URGCP: variants seen among roughly 807,000 people sequenced by gnomAD.
The protein encoded by URGCP is upregulator of cell proliferation, also known as up-regulator of cell proliferation.
Under a neutral mutation model 24.6 loss-of-function variants are expected in URGCP, and 13 were observed. That is an observed-to-expected ratio of 0.53 (90% CI 0.34 to 0.84). The LOEUF (loss-of-function observed/expected upper bound fraction) is 0.84, where lower values mean the gene tolerates loss of function less well. Among genes scored for constraint, URGCP ranks in the 40% least tolerant of loss-of-function variants. The probability of loss-of-function intolerance (pLI) is 0.01; values close to 1 mark genes in which losing one functional copy is unlikely to be tolerated. For synonymous variants in URGCP, 444 were observed against 487.2 expected (o/e 0.91, Z 1.17); for missense variants, 899 against 1,194.3 (o/e 0.75, Z 3.64).
Position 43,878,925 on chromosome 7 carries a change from G to A in URGCP, c.538C>T (p.Pro180Ser). ...SFSELPTPDT[P>S]VNPLDLLCAL... ...CAGAGAAGGTCTAAGGGGTTCACTG[G>A]CGTATCAGGGGTGGGCAGCTCAGAA... Residue 180 changes from proline to serine, a missense_variant, in exon 6 of 6, where the codon CCA (proline) becomes TCA (serine). Pro to Ser is a moderately conservative substitution (Grantham distance 74). Transcript: ENST00000453200. This position sits in a 1 kb window ranked among gnomAD's most constrained non-coding sequence, Gnocchi z 5.6. 6.2e-7 allele frequency: 1 copy of A among 1,614,224 alleles called. No homozygotes were observed. The highest frequency in any genetic ancestry group is 8.5e-7 in the Non-Finnish European group (1 of 1,180,032).
chr7:43,881,479 TTTTTTTTTTTTTTTTTAGC>T (rs1229334839), intron 5 of URGCP, among the ~76,000 whole-genome samples, 161 bp downstream of exon 5: 1 of 149,802 alleles, frequency 6.7e-6, no homozygotes, highest in African/African-American at 2.5e-5. Flanking sequence ...CCAGGGTTTT[TTTTTTTTTTTTTTTTTAGC>T]AATATGGTTA....
Position 43,876,492 on chromosome 7 carries a change from C to A in URGCP, c.*175G>T. On this transcript the variant is annotated 3_prime_UTR_variant, in exon 6 of 6. Coordinates refer to ENST00000453200, the MANE Select transcript of URGCP (RefSeq NM_001077663.3). The stretch of plus-strand genomic sequence containing the variant: ...ACATCTCTGAGCTGGTCTGTGAGGT[C>A]ACTTCCTCTTTTAACACTGTTGAGG... The A allele has an allele frequency of 1.5e-6, 1 of 677,756 alleles. No homozygotes were observed. The allele number at this position is 677,756 out of a possible 1,614,324, so 42.0% of individuals were successfully genotyped here. A position where few individuals can be genotyped will look rare whatever the true frequency, so the allele number is the denominator to read the frequency against.
At chr7:43,904,796 T>C (rs958048447) in intron 1 of URGCP, among the ~76,000 whole-genome samples, 2 of 152,206 alleles carry the variant, frequency 1.3e-5, no homozygotes, top group Non-Finnish European at 1.5e-5. Flanking sequence ...AGGTGTACTA[T>C]GCACCTAGGC....
intron 1 of URGCP, among the ~76,000 whole-genome samples, chr7:43,920,528 A>C (rs1413496755): frequency 6.6e-6 from 1 of 152,248 alleles, no homozygotes; most frequent in Non-Finnish European, 1.5e-5. Context: ...GCACCATTGC[A>C]CAACGGCCTG....
chr7:43,923,482 T>G (rs1431769262), intron 1 of URGCP, among the ~76,000 whole-genome samples: 1 of 151,998 alleles, frequency 6.6e-6, no homozygotes, highest in Non-Finnish European at 1.5e-5. Flanking sequence ...GAATCAGGGG[T>G]TCGCTATGTT....
At chr7:43,897,203 A>AACAT (rs534074516) in intron 1 of URGCP, among the ~76,000 whole-genome samples, 3 of 151,520 alleles carry the variant, frequency 2.0e-5, no homozygotes, top group African/African-American at 7.3e-5. Flanking sequence ...ACTCTGTCTC[A>AACAT]AAATAAATAA....
chr7:43,902,283 T>C (rs999997253), intron 1 of URGCP, among the ~76,000 whole-genome samples: 3 of 152,134 alleles, frequency 2.0e-5, no homozygotes, highest in Admixed American at 6.6e-5. Flanking sequence ...CGTCCAGTGA[T>C]GGCTTCTCCT....
intron 5 of URGCP, 149 bp from the exon 6 acceptor site, chr7:43,879,409 C>G: frequency 1.1e-6 from 1 of 930,134 alleles, no homozygotes; most frequent in Non-Finnish European, 1.6e-6. Context: ...TCAGGGTGTG[C>G]TCAAGGCTGA....
chr7:43,919,572 G>A (rs2095919745), intron 1 of URGCP: 6 of 1,418,674 alleles, frequency 4.2e-6, no homozygotes, highest in South Asian at 2.3e-5. Context: ...CATGGTCCTG[G>A]ATGTCATGAG....
rs1245158289 is a variant in URGCP, at chr7:43,881,703, GA to G, written c.164-7del. 30 of 1,613,940 alleles carry G rather than the reference GA, an allele frequency of 1.9e-5. No individual in the cohort carries two copies. Among genetic ancestry groups the G allele is most frequent in the Non-Finnish European group, 2.5e-5 (30 of 1,179,978 alleles). ...CTGAGCCTCATTTGTACCATCTATG[GA>G]AAAAGCAATGGAAAATGAAGTGTCA... On this transcript the variant is annotated splice_region_variant and splice_polypyrimidine_tract_variant and intron_variant, in intron 4 of 5. Coordinates refer to ENST00000453200, the MANE Select transcript of URGCP (RefSeq NM_001077663.3).
At position 43,919,061 on chromosome 7, in the gene URGCP, A is replaced by C. The variant is rs111296486; in HGVS notation, c.-116+7071T>G. On this transcript the variant is annotated intron_variant, in intron 1 of 5. Transcript: ENST00000426198. ...TCCATGAGGACATTTTTAACATCAC[A>C]GACCAGGAGGCAGATGGTAGTGACA... 56 of 1,000,266 alleles carry C rather than the reference A, an allele frequency of 5.6e-5. 2 individuals are homozygous for C. The highest frequency in any genetic ancestry group is 5.0e-4 in the African/African-American group (32 of 63,428). The allele number at this position is 1,000,266 out of a possible 1,614,324, so 62.0% of individuals were successfully genotyped here. A position where few individuals can be genotyped will look rare whatever the true frequency, so the allele number is the denominator to read the frequency against.
chr7:43,919,918 C>T lies in URGCP; in HGVS notation c.-116+6214G>A, dbSNP rs1187078531. Reference sequence around the variant, plus strand: ...CGGAAGTGGGAGGCCTTCCTGGAGCCGTTCCGCAAGGAGGACATGTTCAAG... The same window carrying T: ...CGGAAGTGGGAGGCCTTCCTGGAGCTGTTCCGCAAGGAGGACATGTTCAAG... On this transcript the variant is annotated intron_variant, in intron 1 of 5. Transcript: ENST00000426198. 24 of 1,316,556 alleles carry T rather than the reference C, an allele frequency of 1.8e-5. 1 individual carries two copies. The highest frequency in any genetic ancestry group is 9.4e-5 in the South Asian group (8 of 84,658). The allele number at this position is 1,316,556 out of a possible 1,614,324, so 81.6% of individuals were successfully genotyped here.
chr7:43,915,547 G>A (rs774861979), intron 1 of URGCP, among the ~76,000 whole-genome samples: 54 of 152,186 alleles, frequency 3.5e-4, no homozygotes, highest in Admixed American at 8.5e-4. Flanking sequence ...TGCATGGGAC[G>A]GACAGGCAAG....
chr7:43,897,748 T>C (rs1261552252), intron 1 of URGCP, among the ~76,000 whole-genome samples: 1 of 152,138 alleles, frequency 6.6e-6, no homozygotes, highest in East Asian at 1.9e-4. Context: ...CGCTCCATTA[T>C]CTAGCCTTAT....
At chr7:43,887,644 TG>T in intron 2 of URGCP, 145 bp downstream of exon 2, 1 of 1,476,822 alleles carries the variant, frequency 6.8e-7, no homozygotes, top group East Asian at 2.5e-5. Context: ...GAGCTGGTCC[TG>T]GGTATCACTG....
At chr7:43,915,436 C>G (rs191449614) in intron 1 of URGCP, among the ~76,000 whole-genome samples, 4 of 152,340 alleles carry the variant, frequency 2.6e-5, no homozygotes, top group African/African-American at 9.6e-5. Context: ...TCCAACTCAG[C>G]CTTTTCTATG....
chr7:43,922,433 A>C (rs1286756297), intron 1 of URGCP, among the ~76,000 whole-genome samples: 1 of 152,178 alleles, frequency 6.6e-6, no homozygotes, highest in East Asian at 1.9e-4. Context: ...TCGCACCAGA[A>C]TGTGTGAGGG....
chr7:43,906,678 G>C, upstream of URGCP: 4 of 1,073,244 alleles, frequency 3.7e-6, no homozygotes, highest in Non-Finnish European at 4.5e-6. Context: ...CCCGCTCCGG[G>C]ACGCGCTCCA....
upstream of URGCP, among the ~76,000 whole-genome samples, chr7:43,909,561 A>G: frequency 6.7e-6 from 1 of 150,356 alleles, no homozygotes; most frequent in East Asian, 2.0e-4. Context: ...CTCCATCTCT[A>G]CTAAAAATAC....
Sources: allele counts gnomAD v4.1 joint callset (sites outside exome capture counted in the v4.1 genomes callset), GRCh38; gene constraint gnomAD v4.1.1; non-coding constraint Gnocchi (gnomAD v3.1); transcripts MANE v1.5; gene names NCBI Gene and HGNC (gene_info 2026-07-23, HGNC 2026-07-21).